Variants in SLC4A4 observed in about 807,000 individuals in gnomAD.
SLC4A4 encodes the protein solute carrier family 4 member 4.
A neutral mutation model predicts 111.5 loss-of-function variants in SLC4A4; 27 were observed. The observed-to-expected ratio is 0.24, with a 90% CI of 0.18 to 0.33. SLC4A4 has a LOEUF of 0.33. Ranked by LOEUF, SLC4A4 falls within the 10% of genes least tolerant of loss-of-function variation. The pLI is 1.00. For synonymous variants in SLC4A4, 443 were observed against 463.4 expected, an observed-to-expected ratio of 0.96 and a Z score of 0.57; for missense variants, 909 against 1,315.5, an observed-to-expected ratio of 0.69 and a Z score of 4.78.
At chr4:71,328,092 C>T (rs1450968324) in intron 3 of SLC4A4, among the ~76,000 whole-genome samples, 2 of 151,980 alleles carry the variant, frequency 1.3e-5, no homozygotes, top group Non-Finnish European at 2.9e-5. Flanking sequence ...CAAAATTTGT[C>T]TGGCTTATTT....
chr4:71,205,068 G>C (rs2149006348), intron 1 of SLC4A4, among the ~76,000 whole-genome samples: 1 of 152,196 alleles, frequency 6.6e-6, no homozygotes, highest in East Asian at 1.9e-4. Context: ...GGTGGTGACT[G>C]TCCTAGCAGA....
At chr4:71,342,475 G>T (rs1728972071) in intron 4 of SLC4A4, among the ~76,000 whole-genome samples, 3 of 152,106 alleles carry the variant, frequency 2.0e-5, no homozygotes, top group African/African-American at 7.2e-5. Context: ...TTCTGAGCTT[G>T]AATTTCTTTT....
intron 18 of SLC4A4, among the ~76,000 whole-genome samples, chr4:71,536,920 TATA>T (rs1038692276): frequency 6.6e-6 from 1 of 151,816 alleles, no homozygotes; most frequent in Non-Finnish European, 1.5e-5. Context: ...TATACACACA[TATA>T]ATATATACAC....
chr4:71,147,300 T>C (rs1226039797), intron 2 of SLC4A4, among the ~76,000 whole-genome samples: 1 of 152,190 alleles, frequency 6.6e-6, no homozygotes, highest in African/African-American at 2.4e-5. Flanking sequence ...TTCCTTCTCC[T>C]TTATGTTTGC....
At chr4:71,078,296 G>T (rs1741901113) in intron 1 of SLC4A4, among the ~76,000 whole-genome samples, 3 of 151,636 alleles carry the variant, frequency 2.0e-5, no homozygotes, top group Admixed American at 2.0e-4. Flanking sequence ...TTTTTTCCAT[G>T]TAAGAATCCA....
chr4:71,311,868 C>A (rs1237389481), intron 3 of SLC4A4, among the ~76,000 whole-genome samples: 1 of 119,380 alleles, frequency 8.4e-6, no homozygotes, highest in Non-Finnish European at 1.6e-5. Flanking sequence ...CAATGAGGAG[C>A]CTGAGCAAAT....
Position 71,440,673 on chromosome 4 carries a change from G to A in SLC4A4, c.865G>A (p.Val289Ile). ...TGATGCAGAAGCTTCCAACGTGCTT[G>A]TTGGGGAGGTTGACTTTTTGGATAC... ...PRDAEASNVLVGEVDFLDTPF... is the reference protein window; with the variant it reads ...PRDAEASNVLIGEVDFLDTPF... The change falls in exon 8 of 26, where the codon GTT (valine) becomes ATT (isoleucine). Residue 289 changes from valine (V) to isoleucine (I), a missense_variant. By Grantham distance (29) the Val-to-Ile change is conservative (BLOSUM62 3). Transcript: ENST00000264485. 1 of 1,614,160 alleles carries A rather than the reference G, an allele frequency of 6.2e-7. No individual in the cohort carries two copies.
At chr4:71,339,653 T>C in intron 4 of SLC4A4, 148 bp downstream of exon 4, 1 of 714,606 alleles carries the variant, frequency 1.4e-6, no homozygotes, top group East Asian at 2.7e-5. Flanking sequence ...AATAATTCTA[T>C]TTCTTCTTTT....
chr4:71,278,871 A>G (rs1723283202), intron 3 of SLC4A4, among the ~76,000 whole-genome samples: 1 of 152,144 alleles, frequency 6.6e-6, no homozygotes, highest in Admixed American at 6.5e-5. Flanking sequence ...TTAATCCCTT[A>G]TCAGATATAT....
chr4:71,479,167 TA>T (rs918594313), intron 14 of SLC4A4, among the ~76,000 whole-genome samples: 1 of 151,794 alleles, frequency 6.6e-6, no homozygotes, highest in African/African-American at 2.4e-5. Context: ...AGAACATGCT[TA>T]ACAATATATG....
At chr4:71,300,619 T>G in intron 3 of SLC4A4, 1 of 334,776 alleles carries the variant, frequency 3.0e-6, no homozygotes, top group Non-Finnish European at 6.0e-6. Context: ...CATGAGCAGC[T>G]CTGTATGCAG....
intron 3 of SLC4A4, among the ~76,000 whole-genome samples, chr4:71,255,670 A>G (rs1721399121): frequency 1.3e-5 from 2 of 152,184 alleles, no homozygotes; most frequent in South Asian, 4.1e-4. Flanking sequence ...GTAATAGGGT[A>G]GTATTGCAGA....
chr4:71,354,003 A>G (rs1466370405), intron 5 of SLC4A4, among the ~76,000 whole-genome samples: 3 of 152,236 alleles, frequency 2.0e-5, no homozygotes, highest in Non-Finnish European at 4.4e-5. Context: ...TGATTTTTTC[A>G]CGAAGAACCC....
chr4:71,211,114 C>T (rs1241297904), intron 1 of SLC4A4, among the ~76,000 whole-genome samples: 5 of 152,188 alleles, frequency 3.3e-5, no homozygotes, highest in Admixed American at 2.0e-4. Flanking sequence ...CAAATAATAT[C>T]GTTGTATGAC....
chr4:71,399,444 C>T (rs1481017419), intron 7 of SLC4A4, among the ~76,000 whole-genome samples: 1 of 144,576 alleles, frequency 6.9e-6, no homozygotes, highest in East Asian at 2.1e-4. Flanking sequence ...TTCCCCTCCC[C>T]TTCCGTCCCC....
At chr4:71,326,321 C>T (rs1459635626) in intron 3 of SLC4A4, among the ~76,000 whole-genome samples, 6 of 151,828 alleles carry the variant, frequency 4.0e-5, no homozygotes, top group East Asian at 1.9e-4. Flanking sequence ...TGTAACACCA[C>T]GACATTAGAC....
chr4:71,396,932 A>G (rs1018357708), intron 6 of SLC4A4, among the ~76,000 whole-genome samples: 6 of 152,226 alleles, frequency 3.9e-5, no homozygotes, highest in Admixed American at 1.3e-4. Context: ...TACTTATTTT[A>G]TTCTGGCAAA....
At chr4:71,265,184 G>A (rs1462142709) in intron 3 of SLC4A4, among the ~76,000 whole-genome samples, 2 of 152,178 alleles carry the variant, frequency 1.3e-5, no homozygotes, top group South Asian at 2.1e-4. Context: ...ACATTTTTGT[G>A]TATAGGAAGA....
chr4:71,115,026 G>A (rs1743207615), intron 2 of SLC4A4, among the ~76,000 whole-genome samples: 2 of 143,026 alleles, frequency 1.4e-5, no homozygotes, highest in Admixed American at 1.4e-4. Flanking sequence ...ATGAGTTCAT[G>A]TCCTTTGTAG....
Sources: allele counts gnomAD v4.1 joint callset (sites outside exome capture counted in the v4.1 genomes callset), GRCh38; gene constraint gnomAD v4.1.1; transcripts MANE v1.5; gene names NCBI Gene and HGNC (gene_info 2026-07-23, HGNC 2026-07-21).